The following PCDHGB5 variants were observed in gnomAD, a reference collection of about 807,000 sequenced individuals.
PCDHGB5 encodes protocadherin gamma subfamily B, 5.
In PCDHGB5, 48 loss-of-function variants were observed where a neutral mutation model predicts 62.9. That is an observed-to-expected ratio of 0.76 (90% confidence interval 0.61 to 0.97). The LOEUF (loss-of-function observed/expected upper bound fraction) is 0.97. Among genes scored for constraint, PCDHGB5 ranks in the 50% least tolerant of loss-of-function variants. The pLI, the probability that PCDHGB5 is intolerant of heterozygous loss-of-function variation, is 0.00. For missense variants in PCDHGB5, 1,118 were observed against 1,198.6 expected, an observed-to-expected ratio of 0.93 and a Z score of 0.99; for synonymous variants, 474 against 511.2, an observed-to-expected ratio of 0.93 and a Z score of 0.98.
intron 1 of PCDHGB5, among the ~76,000 whole-genome samples, chr5:141,492,095 CT>C (rs1047956109): frequency 6.6e-6 from 1 of 152,232 alleles, no homozygotes; most frequent in African/African-American, 2.4e-5. Context: ...CTTCGCCGGT[CT>C]GTAGATTTCC....
intron 1 of PCDHGB5, among the ~76,000 whole-genome samples, chr5:141,494,072 C>G (rs2099751672): frequency 6.6e-6 from 1 of 152,160 alleles, no homozygotes; most frequent in Non-Finnish European, 1.5e-5. Flanking sequence ...CTGGATCCCT[C>G]CCCGCTGCAT....
intron 1 of PCDHGB5, among the ~76,000 whole-genome samples, chr5:141,444,357 G>C (rs1258703336): frequency 3.3e-5 from 5 of 151,798 alleles, no homozygotes; most frequent in African/African-American, 9.7e-5. Flanking sequence ...TTTTAGTAGA[G>C]ACGGGGTTTC....
At chr5:141,413,220 C>A in intron 1 of PCDHGB5, 1 of 1,613,330 alleles carries the variant, frequency 6.2e-7, no homozygotes, top group South Asian at 1.1e-5. Flanking sequence ...AGGATTGCAG[C>A]GGGCTGGTCC....
At chr5:141,423,342 C>A in intron 1 of PCDHGB5, 1 of 1,613,824 alleles carries the variant, frequency 6.2e-7, no homozygotes, top group South Asian at 1.1e-5. Flanking sequence ...CCTGCATCTT[C>A]CTGGTCTTTG....
Position 141,486,266 on chromosome 5 carries a change from C to G in PCDHGB5, c.2398-8541C>G, listed in dbSNP as rs1311684194. On this transcript the variant is annotated intron_variant, in intron 1 of 3. Transcript: ENST00000617380. The surrounding 1 kb of genome is among the most constrained non-coding windows in gnomAD (Gnocchi z 5.0). Reference sequence around the variant, plus strand: ...TGGAACCCTCCCCGAGAGTGCAGAACCTGGCACTGTGGTGGCACTTATCAG... The same window carrying G: ...TGGAACCCTCCCCGAGAGTGCAGAAGCTGGCACTGTGGTGGCACTTATCAG... 1 of 1,614,098 alleles carries G rather than the reference C, an allele frequency of 6.2e-7. No individual in the cohort carries two copies.
intron 1 of PCDHGB5, chr5:141,417,718 G>A: frequency 7.7e-7 from 1 of 1,304,720 alleles, no homozygotes; most frequent in Non-Finnish European, 1.0e-6. Flanking sequence ...GCTCCCGGCT[G>A]CGCAGACCTT....
At position 141,491,587 on chromosome 5, in the gene PCDHGB5, G is replaced by A. The variant is rs1177701526; in HGVS notation, c.2398-3220G>A. 1.2e-6 allele frequency: 2 copies of A among 1,613,834 alleles called. No individual in the cohort carries two copies. Among genetic ancestry groups the A allele is most frequent in the African/African-American group, 2.7e-5 (2 of 74,926 alleles). On this transcript the variant is annotated intron_variant, in intron 1 of 3. Coordinates refer to ENST00000617380, the MANE Select transcript of PCDHGB5 (RefSeq NM_018925.3). The surrounding 1 kb of genome is among the most constrained non-coding windows in gnomAD (Gnocchi z 6.9). ...CAGGACGTGCTTTTCACCGGCCTCG[G>A]ACGGCAGTGACTTCACTTTTCTAAG...
intron 1 of PCDHGB5, among the ~76,000 whole-genome samples, chr5:141,480,408 C>A (rs371569489): frequency 7.2e-6 from 1 of 138,932 alleles, no homozygotes; most frequent in African/African-American, 2.9e-5. Flanking sequence ...GAGTGAGACC[C>A]TGTCTCAAAA....
At chr5:141,410,818 T>C (rs567397835) in intron 1 of PCDHGB5, 1 of 556,016 alleles carries the variant, frequency 1.8e-6, no homozygotes, top group African/African-American at 2.1e-5. Context: ...TGTAAAATAA[T>C]GTCACCAGAC....
Position 141,431,740 on chromosome 5 carries a change from T to C in PCDHGB5, c.2397+31216T>C. 6.2e-7 allele frequency: 1 copy of C among 1,614,230 alleles called. No individual in the cohort carries two copies. Among genetic ancestry groups the C allele is most frequent in the South Asian group, 1.1e-5 (1 of 91,088 alleles). On this transcript the variant is annotated intron_variant, in intron 1 of 3. Transcript: ENST00000617380. This position sits in a 1 kb window ranked among gnomAD's most constrained non-coding sequence, Gnocchi z 4.8. ...TGCAAGCAATGGATAATGCAGGATA[T>C]TCTGCGCGAGCCAAAGTCCTGATCA... is the stretch of plus-strand genomic sequence containing the variant.
intron 1 of PCDHGB5, chr5:141,478,819 C>G (rs927315523): frequency 2.1e-6 from 3 of 1,447,842 alleles, no homozygotes; most frequent in Non-Finnish European, 2.7e-6. Context: ...CACAACTAAC[C>G]AATCTTGCTA....
chr5:141,443,848 G>A lies in PCDHGB5; in HGVS notation c.2397+43324G>A, dbSNP rs528933391. 2.6e-5 allele frequency among the ~76,000 whole-genome samples: 4 copies of A among 152,272 alleles called. No individual in the cohort carries two copies. The South Asian group carries it at 8.3e-4, about 32-fold the overall frequency. ...TTAGGTAAAATGGGTAATATGGAAA[G>A]TCTGAAAACTGAAAAAATTACTGAT... On this transcript the variant is annotated intron_variant, in intron 1 of 3. Transcript: ENST00000617380.
chr5:141,438,152 G>A (rs184819165), intron 1 of PCDHGB5, among the ~76,000 whole-genome samples: 1 of 152,250 alleles, frequency 6.6e-6, no homozygotes, highest in African/African-American at 2.4e-5. Flanking sequence ...CCAGCCTATG[G>A]CAAAGCTAAT....
At chr5:141,410,765 T>C (rs1238144239) in intron 1 of PCDHGB5, 1 of 1,066,570 alleles carries the variant, frequency 9.4e-7, no homozygotes, top group Non-Finnish European at 1.3e-6. Flanking sequence ...TTTTCAATTA[T>C]AGTTTTCACT....
intron 1 of PCDHGB5, chr5:141,441,260 A>G (rs1217151195): frequency 1.3e-5 from 2 of 152,222 alleles, no homozygotes; most frequent in Non-Finnish European, 2.9e-5. Context: ...AAATCACAAG[A>G]TCTGGATTCG....
intron 1 of PCDHGB5, chr5:141,404,741 GACT>G: frequency 6.2e-7 from 1 of 1,614,072 alleles, no homozygotes; most frequent in Non-Finnish European, 8.5e-7. Flanking sequence ...AGTGGACAGA[GACT>G]CAGGCCAGAA....
intron 1 of PCDHGB5, chr5:141,427,894 C>T (rs974220302): frequency 1.3e-6 from 2 of 1,568,222 alleles, no homozygotes; most frequent in East Asian, 2.2e-5. Flanking sequence ...GACCAGGGCT[C>T]GCCCGCGCTC....
intron 1 of PCDHGB5, chr5:141,415,513 G>A: frequency 6.2e-7 from 1 of 1,614,214 alleles, no homozygotes; most frequent in East Asian, 2.2e-5. Context: ...GCCCAATTAT[G>A]CGGACACGCT....
chr5:141,446,043 A>T (rs1374577548), intron 1 of PCDHGB5, among the ~76,000 whole-genome samples: 2 of 152,226 alleles, frequency 1.3e-5, no homozygotes, highest in Non-Finnish European at 2.9e-5. Flanking sequence ...AAATGGAAGA[A>T]GAGCTGGCTT....
Sources: gnomAD v4.1 joint callset for allele counts (sites outside exome capture counted in the v4.1 genomes callset) on GRCh38, gnomAD v4.1.1 for gene constraint, Gnocchi (gnomAD v3.1) non-coding constraint, MANE v1.5 for transcripts, NCBI Gene and HGNC (gene_info 2026-07-23, HGNC 2026-07-21) for gene names.